Variants in NUBPL observed in about 807,000 individuals in gnomAD.
NUBPL encodes iron-sulfur cluster transfer protein NUBPL.
A neutral mutation model predicts 45.7 loss-of-function variants in NUBPL; 31 were observed. The ratio of observed to expected loss-of-function variants is 0.68; its 90% CI spans 0.51 to 0.92. The LOEUF (loss-of-function observed/expected upper bound fraction) is 0.92, where lower values mean the gene tolerates loss of function less well. NUBPL is among the 40% of genes least tolerant of loss of function. NUBPL has a pLI of 0.00. For synonymous variants in NUBPL, 144 were observed against 140.9 expected (o/e 1.02, Z -0.15); for missense variants, 401 against 398.7 (o/e 1.01, Z -0.05).
rs574607081 is a variant in NUBPL at position 31,818,250 on chromosome 14, G to A, written c.608-8379G>A. 1.6e-4 allele frequency among the ~76,000 whole-genome samples: 25 copies of A among 152,204 alleles called. No individual in the cohort carries two copies. The South Asian group carries it at 4.2e-3, about 25-fold the overall frequency. ...CACTGTCAATATTAGACAGAACAAC[G>A]TGACAGAAAATTAACAAGGGTATTC... is the stretch of plus-strand genomic sequence containing the variant. On this transcript the variant is annotated intron_variant, in intron 7 of 10. Transcript: ENST00000281081.
chr14:31,643,369 A>G (rs1360315283), intron 4 of NUBPL, among the ~76,000 whole-genome samples: 1 of 152,072 alleles, frequency 6.6e-6, no homozygotes, highest in African/African-American at 2.4e-5. Flanking sequence ...AGGGATGTTG[A>G]ATTTTATTGA....
intron 6 of NUBPL, among the ~76,000 whole-genome samples, chr14:31,774,497 A>T (rs1395584109): frequency 1.3e-5 from 2 of 152,062 alleles, no homozygotes; most frequent in Non-Finnish European, 2.9e-5. Flanking sequence ...TGCTGTTTTG[A>T]TCTGTTTCTT....
chr14:31,814,181 C>T (rs1190053392), intron 7 of NUBPL, among the ~76,000 whole-genome samples: 3 of 152,230 alleles, frequency 2.0e-5, no homozygotes, highest in African/African-American at 7.2e-5. Flanking sequence ...TTCTCCACAA[C>T]CTCTCCAGCA....
At chr14:31,793,828 C>CTG (rs558689974) in intron 7 of NUBPL, among the ~76,000 whole-genome samples, 5 of 127,616 alleles carry the variant, frequency 3.9e-5, no homozygotes, top group Non-Finnish European at 6.2e-5. Flanking sequence ...CCTTATCTTT[C>CTG]TTTTTTTTTT....
At chr14:31,824,978 G>C (rs1374882218) in intron 7 of NUBPL, among the ~76,000 whole-genome samples, 1 of 152,048 alleles carries the variant, frequency 6.6e-6, no homozygotes, top group East Asian at 1.9e-4. Context: ...ATCTTAACCA[G>C]GCCTTTGTTG....
intron 7 of NUBPL, among the ~76,000 whole-genome samples, chr14:31,807,829 C>T (rs1034108588): frequency 1.3e-5 from 2 of 152,272 alleles, no homozygotes; most frequent in Non-Finnish European, 2.9e-5. Context: ...CCAGTTTCAG[C>T]TTTGTACATA....
intron 7 of NUBPL, among the ~76,000 whole-genome samples, chr14:31,812,511 A>C (rs2039828388): frequency 6.6e-6 from 1 of 152,214 alleles, no homozygotes; most frequent in Non-Finnish European, 1.5e-5. Context: ...TTTAGGTGGC[A>C]GTGTCCTGAT....
rs538790616 is a variant in NUBPL, at chr14:31,641,828, C to T, written c.383-31527C>T. Among the ~76,000 whole-genome samples the T allele has an allele frequency of 2.0e-5, 3 of 152,306 alleles. No homozygotes were observed. In the East Asian group the frequency reaches 5.8e-4, roughly 29 times the overall value. On this transcript the variant is annotated intron_variant, in intron 4 of 10. Transcript: ENST00000281081. ...TAGGAGGGTTTCCCTTTATTTACAT[C>T]CTCACCTGCATCTGTTACCTCATGT...
intron 6 of NUBPL, among the ~76,000 whole-genome samples, chr14:31,704,956 C>A (rs148765030): frequency 1.1e-3 from 164 of 152,268 alleles, no homozygotes; most frequent in African/African-American, 3.6e-3. Flanking sequence ...TCCGGAGTTT[C>A]TTCCTTCTGG....
intron 3 of NUBPL, among the ~76,000 whole-genome samples, chr14:31,589,279 A>G (rs2034079300): frequency 6.6e-6 from 1 of 152,016 alleles, no homozygotes; most frequent in South Asian, 2.1e-4. Context: ...AATTTGATAG[A>G]GTTGTATAAT....
intron 4 of NUBPL, among the ~76,000 whole-genome samples, chr14:31,638,783 C>G (rs577101116): frequency 6.6e-6 from 1 of 151,972 alleles, no homozygotes; most frequent in Non-Finnish European, 1.5e-5. Context: ...AGGCTTTGTT[C>G]GTTTCTATTC....
At chr14:31,828,919 T>G (rs2040146679) in intron 8 of NUBPL, among the ~76,000 whole-genome samples, 1 of 152,128 alleles carries the variant, frequency 6.6e-6, no homozygotes, top group South Asian at 2.1e-4. Flanking sequence ...TATTGTTAGG[T>G]GAATGCCACT....
chr14:31,609,111 A>T (rs990482372), intron 4 of NUBPL, among the ~76,000 whole-genome samples: 6 of 152,176 alleles, frequency 3.9e-5, no homozygotes, highest in Non-Finnish European at 5.9e-5. Flanking sequence ...TAAACTCTCC[A>T]ATCAAAAGAT....
At chr14:31,741,204 G>A (rs564026598) in intron 6 of NUBPL, among the ~76,000 whole-genome samples, 1 of 152,294 alleles carries the variant, frequency 6.6e-6, no homozygotes, top group East Asian at 1.9e-4. Flanking sequence ...ATGGGTAAAA[G>A]GAATTGCTTT....
chr14:31,800,477 A>G (rs1273738286), intron 7 of NUBPL, among the ~76,000 whole-genome samples: 4 of 152,222 alleles, frequency 2.6e-5, no homozygotes, highest in Non-Finnish European at 4.4e-5. Flanking sequence ...AGTTTGAAAT[A>G]TTGCAAGAAT....
chr14:31,695,077 G>A (rs2037184114), intron 6 of NUBPL, among the ~76,000 whole-genome samples: 1 of 152,194 alleles, frequency 6.6e-6, no homozygotes, highest in South Asian at 2.1e-4. Flanking sequence ...ACATAGTGTT[G>A]ACCATCAGGT....
intron 6 of NUBPL, among the ~76,000 whole-genome samples, chr14:31,758,060 C>T (rs1346427520): frequency 6.6e-6 from 1 of 152,140 alleles, no homozygotes. Flanking sequence ...GTCACCATCA[C>T]TATCATCTTA....
intron 4 of NUBPL, among the ~76,000 whole-genome samples, chr14:31,641,243 C>G (rs1343282530): frequency 1.3e-5 from 2 of 152,194 alleles, no homozygotes; most frequent in Non-Finnish European, 2.9e-5. Context: ...AGCCACCGCG[C>G]CTGGCCAATC....
At chr14:31,635,403 T>C (rs961729442) in intron 4 of NUBPL, among the ~76,000 whole-genome samples, 5 of 152,000 alleles carry the variant, frequency 3.3e-5, no homozygotes, top group African/African-American at 9.7e-5. Context: ...TAGTTGTAGA[T>C]ATGCGACGTT....
Sources: allele counts gnomAD v4.1 joint callset (sites outside exome capture counted in the v4.1 genomes callset), GRCh38; gene constraint gnomAD v4.1.1; transcripts MANE v1.5; gene names NCBI Gene and HGNC (gene_info 2026-07-23, HGNC 2026-07-21).